Variants in GABRG3 observed in about 807,000 individuals in gnomAD.
GABRG3 encodes gamma-aminobutyric acid type A receptor subunit gamma3, also known as gamma-aminobutyric acid receptor subunit gamma-3.
Under a neutral mutation model 48.8 loss-of-function variants are expected in GABRG3, and 25 were observed. That is an observed-to-expected ratio of 0.51 (90% CI 0.37 to 0.72). The LOEUF is 0.72. Among genes scored for constraint, GABRG3 ranks in the 30% least tolerant of loss-of-function variants. The pLI is 0.00. For missense variants in GABRG3, 394 were observed against 577.9 expected (o/e 0.68, Z 3.26); for synonymous variants, 227 against 217.6 (o/e 1.04, Z -0.38).
intron 3 of GABRG3, among the ~76,000 whole-genome samples, chr15:27,315,671 A>C (rs2140510650): frequency 6.6e-6 from 1 of 152,338 alleles, no homozygotes; most frequent in Admixed American, 6.5e-5. Flanking sequence ...TATTCACATT[A>C]TGAATACCAT....
chr15:27,234,061 T>C (rs1889884070), intron 3 of GABRG3, among the ~76,000 whole-genome samples: 1 of 152,244 alleles, frequency 6.6e-6, no homozygotes, highest in South Asian at 2.1e-4. Context: ...TCTTCCTTTT[T>C]TTCTGTTAGT....
intron 3 of GABRG3, among the ~76,000 whole-genome samples, chr15:27,320,963 C>T (rs1893405088): frequency 6.6e-6 from 1 of 152,196 alleles, no homozygotes; most frequent in Admixed American, 6.5e-5. Flanking sequence ...CCCTCTGTGG[C>T]AACAGGGCGT....
At chr15:27,217,963 C>T (rs940913044) in intron 3 of GABRG3, among the ~76,000 whole-genome samples, 25 of 152,238 alleles carry the variant, frequency 1.6e-4, no homozygotes, top group African/African-American at 5.8e-4. Flanking sequence ...GGAGGAGAAC[C>T]AGGGCCAGTC....
chr15:27,313,260 G>GTGTATATATATATATATATATA (rs1206557918), intron 3 of GABRG3, among the ~76,000 whole-genome samples: 1 of 49,560 alleles, frequency 2.0e-5, no homozygotes, highest in East Asian at 8.8e-4. Context: ...GTGTGTGTGT[G>GTGTATATATATATATATATATA]TGTATATATA....
intron 3 of GABRG3, among the ~76,000 whole-genome samples, chr15:27,261,813 A>C (rs1890777565): frequency 6.6e-6 from 1 of 152,110 alleles, no homozygotes; most frequent in South Asian, 2.1e-4. Context: ...ACATTGTTAC[A>C]CTTCTATTAG....
intron 3 of GABRG3, among the ~76,000 whole-genome samples, chr15:27,256,172 G>A (rs984473908): frequency 5.3e-5 from 8 of 152,144 alleles, no homozygotes; most frequent in African/African-American, 1.9e-4. Flanking sequence ...GCCGGGTGTG[G>A]TGGCTCATGC....
At chr15:27,367,641 A>T (rs1481598168) in intron 5 of GABRG3, among the ~76,000 whole-genome samples, 1 of 152,210 alleles carries the variant, frequency 6.6e-6, no homozygotes, top group Non-Finnish European at 1.5e-5. Flanking sequence ...TCAGATACAA[A>T]GGGAGTATCT....
chr15:27,228,015 C>T (rs983475941), intron 3 of GABRG3, among the ~76,000 whole-genome samples: 2 of 152,188 alleles, frequency 1.3e-5, no homozygotes, highest in Non-Finnish European at 2.9e-5. Context: ...TGTGAAAACA[C>T]ACTAAATGTA....
At chr15:27,022,391 C>T (rs1032716110) in intron 2 of GABRG3, among the ~76,000 whole-genome samples, 1 of 152,158 alleles carries the variant, frequency 6.6e-6, no homozygotes, top group East Asian at 1.9e-4. Context: ...TAAATAACAT[C>T]TGTGCCCACC....
chr15:27,085,239 C>G (rs1343682910), intron 3 of GABRG3, among the ~76,000 whole-genome samples: 1 of 152,154 alleles, frequency 6.6e-6, no homozygotes, highest in Non-Finnish European at 1.5e-5. Flanking sequence ...AGGCTGTGAT[C>G]TTGTTATTTG....
intron 3 of GABRG3, among the ~76,000 whole-genome samples, chr15:27,064,171 T>C (rs1388208684): frequency 6.6e-6 from 1 of 152,120 alleles, no homozygotes; most frequent in East Asian, 1.9e-4. Context: ...GTCCGCAGCC[T>C]CTCCCCAGGA....
chr15:27,062,434 TAAAAAAAAA>T (rs57903886), intron 3 of GABRG3, among the ~76,000 whole-genome samples: 2 of 32,826 alleles, frequency 6.1e-5, no homozygotes, highest in Non-Finnish European at 1.7e-4. Context: ...CCATCTCTAC[TAAAAAAAAA>T]AAAAAAAAAA....
At chr15:27,532,570 T>C (rs1891449469) in intron 9 of GABRG3, 30 bp from the exon 10 acceptor site, 18 of 1,605,966 alleles carry the variant, frequency 1.1e-5, no homozygotes, top group Non-Finnish European at 1.4e-5. Flanking sequence ...CATTTTACAA[T>C]GGTTGTTGTG....
chr15:27,384,144 G>A (rs189672961), intron 5 of GABRG3, among the ~76,000 whole-genome samples: 68 of 152,262 alleles, frequency 4.5e-4, no homozygotes, highest in African/African-American at 1.6e-3. Context: ...TGCTGTGTAC[G>A]CGCCTAGTAG....
intron 2 of GABRG3, among the ~76,000 whole-genome samples, chr15:26,997,903 G>C (rs1895370195): frequency 6.6e-6 from 1 of 152,188 alleles, no homozygotes; most frequent in Non-Finnish European, 1.5e-5. Flanking sequence ...TTTATTTAAA[G>C]CCTAGTTCCC....
intron 2 of GABRG3, among the ~76,000 whole-genome samples, chr15:26,986,361 A>C (rs1235857060): frequency 6.6e-6 from 1 of 152,210 alleles, no homozygotes; most frequent in Non-Finnish European, 1.5e-5. Context: ...GGTGGAGAAT[A>C]AATTTTGTAG....
chr15:27,379,547 CTGACCTA>C (rs1284387473), intron 5 of GABRG3, among the ~76,000 whole-genome samples: 1 of 152,194 alleles, frequency 6.6e-6, no homozygotes, highest in Non-Finnish European at 1.5e-5. Context: ...ATTTGAGTTT[CTGACCTA>C]TATCATTTTC....
chr15:27,156,182 C>T (rs988334948), intron 3 of GABRG3, among the ~76,000 whole-genome samples: 3 of 150,554 alleles, frequency 2.0e-5, no homozygotes, highest in Admixed American at 2.0e-4. Flanking sequence ...GCCAGTAGTC[C>T]CAGTTACTTG....
At chr15:27,417,427 TTCTC>T (rs1197334245) in intron 5 of GABRG3, among the ~76,000 whole-genome samples, 2 of 152,150 alleles carry the variant, frequency 1.3e-5, no homozygotes, top group Non-Finnish European at 2.9e-5. Context: ...CTGTTGGTGT[TTCTC>T]TCTCCAGCTC....
Sources: allele counts gnomAD v4.1 joint callset (sites outside exome capture counted in the v4.1 genomes callset), GRCh38; gene constraint gnomAD v4.1.1; transcripts MANE v1.5; gene names NCBI Gene and HGNC (gene_info 2026-07-23, HGNC 2026-07-21).